Variants in SETBP1 observed in about 807,000 individuals in gnomAD.
SETBP1 encodes SET-binding protein.
In SETBP1, 9 loss-of-function variants were observed where a neutral mutation model predicts 101.0. That is an observed-to-expected ratio of 0.09 (90% CI 0.05 to 0.16). The LOEUF is 0.16. SETBP1 is among the 10% of genes least tolerant of loss of function. The pLI is 1.00. For missense variants in SETBP1, 1,858 were observed against 2,033.8 expected, an observed-to-expected ratio of 0.91 and a Z score of 1.66; for synonymous variants, 818 against 788.5, an observed-to-expected ratio of 1.04 and a Z score of -0.63.
At chr18:44,760,613 C>A (rs1255743850) in intron 2 of SETBP1, among the ~76,000 whole-genome samples, 1 of 152,176 alleles carries the variant, frequency 6.6e-6, no homozygotes, top group Admixed American at 6.5e-5. Flanking sequence ...TCTCTCTAGC[C>A]CCTGCCAATC....
intron 2 of SETBP1, among the ~76,000 whole-genome samples, chr18:44,735,786 A>G (rs1028828579): frequency 1.3e-5 from 2 of 152,240 alleles, no homozygotes; most frequent in African/African-American, 4.8e-5. Flanking sequence ...AAGTTCTGCC[A>G]GGGACAGAAT....
intron 2 of SETBP1, among the ~76,000 whole-genome samples, chr18:44,811,322 C>T (rs1331735034): frequency 6.6e-6 from 1 of 152,266 alleles, no homozygotes; most frequent in African/African-American, 2.4e-5. Flanking sequence ...TACACATACA[C>T]ACGTGCTCAC....
At chr18:44,929,429 G>A (rs1033963458) in intron 3 of SETBP1, among the ~76,000 whole-genome samples, 1 of 152,052 alleles carries the variant, frequency 6.6e-6, no homozygotes, top group African/African-American at 2.4e-5. Flanking sequence ...CTCTTTTTTG[G>A]TTCCATATGA....
At chr18:44,854,671 C>T (rs1364820010) in intron 2 of SETBP1, among the ~76,000 whole-genome samples, 1 of 152,230 alleles carries the variant, frequency 6.6e-6, no homozygotes, top group Non-Finnish European at 1.5e-5. Flanking sequence ...CTGTCTTAAC[C>T]TCTCATGCCA....
intron 2 of SETBP1, among the ~76,000 whole-genome samples, chr18:44,720,123 T>G (rs1272672210): frequency 6.6e-6 from 1 of 152,170 alleles, no homozygotes; most frequent in Non-Finnish European, 1.5e-5. Context: ...ATGATAGATA[T>G]TGCATACAAT....
At chr18:44,757,889 A>T (rs575769828) in intron 2 of SETBP1, among the ~76,000 whole-genome samples, 1 of 152,220 alleles carries the variant, frequency 6.6e-6, no homozygotes, top group Non-Finnish European at 1.5e-5. Flanking sequence ...AAATGTGTCA[A>T]AGGATAATAA....
chr18:44,896,899 A>G (rs675079), intron 3 of SETBP1, among the ~76,000 whole-genome samples: 81,138 of 151,962 alleles, frequency 0.53, 21,706 homozygotes, highest in Non-Finnish European at 0.54. Flanking sequence ...GTACTCTTTG[A>G]TTACAGATAT....
At chr18:44,937,884 C>G (rs1568226935) in intron 3 of SETBP1, among the ~76,000 whole-genome samples, 1 of 152,176 alleles carries the variant, frequency 6.6e-6, no homozygotes, top group Non-Finnish European at 1.5e-5. Flanking sequence ...TCCTCTCTTT[C>G]TCCCCCGTCC....
chr18:44,786,199 T>C (rs1453838988), intron 2 of SETBP1, among the ~76,000 whole-genome samples: 2 of 152,244 alleles, frequency 1.3e-5, no homozygotes, highest in Non-Finnish European at 1.5e-5. Context: ...TGCAATGTTT[T>C]AGTTATTTGT....
intron 3 of SETBP1, among the ~76,000 whole-genome samples, chr18:44,947,493 T>C (rs1260733547): frequency 1.0e-5 from 1 of 96,692 alleles, no homozygotes; most frequent in Non-Finnish European, 1.9e-5. Flanking sequence ...TTTGTCCCAC[T>C]TTTTTTTTTT....
chr18:44,949,660 G>A (rs904277543), intron 3 of SETBP1, among the ~76,000 whole-genome samples: 3 of 152,222 alleles, frequency 2.0e-5, no homozygotes, highest in Non-Finnish European at 4.4e-5. Context: ...CAATTAAAAT[G>A]TGCTTACTGA....
intron 1 of SETBP1, among the ~76,000 whole-genome samples, chr18:44,689,281 G>A (rs1208250645): frequency 6.6e-6 from 1 of 152,168 alleles, no homozygotes; most frequent in Non-Finnish European, 1.5e-5. Context: ...TACTGCATCT[G>A]GCAGAAGCAG....
At chr18:44,857,346 A>G (rs2072998969) in intron 2 of SETBP1, among the ~76,000 whole-genome samples, 1 of 152,154 alleles carries the variant, frequency 6.6e-6, no homozygotes. Flanking sequence ...ATGAAGCCTG[A>G]TAATGCCTTG....
At chr18:44,864,482 C>T (rs1201655594) in intron 2 of SETBP1, among the ~76,000 whole-genome samples, 1 of 152,048 alleles carries the variant, frequency 6.6e-6, no homozygotes, top group East Asian at 1.9e-4. Context: ...TGAATTTATG[C>T]CAAGAGAGAA....
rs896483232 is a variant in SETBP1 at position 44,795,667 on chromosome 18, C to T, written c.487-73563C>T. 9.8e-5 allele frequency among the ~76,000 whole-genome samples: 15 copies of T among 152,296 alleles called. No individual in the cohort carries two copies. The East Asian group carries it at 2.9e-3, about 29-fold the overall frequency. On this transcript the variant is annotated intron_variant, in intron 2 of 5. Coordinates refer to ENST00000649279, the MANE Select transcript of SETBP1 (RefSeq NM_015559.3). Reference sequence around the variant, plus strand: ...ATACGTGTATTTTATGTATTTTATACATACAATGTTTTATGCTAACCCTCA... The same window carrying T: ...ATACGTGTATTTTATGTATTTTATATATACAATGTTTTATGCTAACCCTCA...
At chr18:44,739,484 AT>A (rs2070050815) in intron 2 of SETBP1, among the ~76,000 whole-genome samples, 2 of 152,202 alleles carry the variant, frequency 1.3e-5, no homozygotes, top group Admixed American at 1.3e-4. Flanking sequence ...ATTTGCTATA[AT>A]TTGTAGAACT....
intron 2 of SETBP1, among the ~76,000 whole-genome samples, chr18:44,736,578 G>A (rs2069973151): frequency 1.3e-5 from 2 of 152,098 alleles, no homozygotes; most frequent in African/African-American, 4.8e-5. Flanking sequence ...CACATGGTTG[G>A]TAATGTAGAT....
chr18:44,851,561 C>T (rs1392382127), intron 2 of SETBP1, among the ~76,000 whole-genome samples: 1 of 152,226 alleles, frequency 6.6e-6, no homozygotes, highest in Non-Finnish European at 1.5e-5. Context: ...ACCAGCTGTG[C>T]ATCACTTCAG....
intron 3 of SETBP1, among the ~76,000 whole-genome samples, chr18:44,941,318 C>A (rs943406829): frequency 3.9e-5 from 6 of 151,994 alleles, no homozygotes; most frequent in African/African-American, 1.5e-4. Flanking sequence ...AACTCCTGAC[C>A]ACCTCAAGTG....
Sources: gnomAD v4.1 joint callset for allele counts (sites outside exome capture counted in the v4.1 genomes callset) on GRCh38, gnomAD v4.1.1 for gene constraint, MANE v1.5 for transcripts, NCBI Gene and HGNC (gene_info 2026-07-23, HGNC 2026-07-21) for gene names.